The following MTUS2 variants were observed in gnomAD, a reference collection of about 807,000 sequenced individuals.
MTUS2 encodes microtubule-associated tumor suppressor candidate 2.
A neutral mutation model predicts 114.1 loss-of-function variants in MTUS2; 40 were observed. The ratio of observed to expected loss-of-function variants is 0.35; its 90% CI spans 0.27 to 0.46. MTUS2 has a LOEUF of 0.46. MTUS2 is among the 20% of genes least tolerant of loss of function. MTUS2 has a pLI of 1.00. For synonymous variants in MTUS2, 688 were observed against 672.0 expected (o/e 1.02, Z -0.37); for missense variants, 1,679 against 1,705.4 (o/e 0.98, Z 0.27).
At chr13:29,287,500 A>ATGTGTGTGTGTGTGTG (rs11395718) in intron 6 of MTUS2, among the ~76,000 whole-genome samples, 5 of 151,714 alleles carry the variant, frequency 3.3e-5, no homozygotes, top group South Asian at 4.1e-4. Flanking sequence ...ATCACTCTGT[A>ATGTGTGTGTGTGTGTG]TGTGTGTGGT....
At chr13:28,952,142 T>C (rs867318304) in intron 2 of MTUS2, among the ~76,000 whole-genome samples, 21 of 152,374 alleles carry the variant, frequency 1.4e-4, no homozygotes, top group Middle Eastern at 3.4e-3. Flanking sequence ...TTGATACTTT[T>C]AGTTACGGAA....
intron 5 of MTUS2, among the ~76,000 whole-genome samples, chr13:29,125,561 A>G (rs1362553988): frequency 6.6e-6 from 1 of 152,256 alleles, no homozygotes; most frequent in Non-Finnish European, 1.5e-5. Flanking sequence ...TGCTGTTTCT[A>G]CATGAACGGT....
intron 2 of MTUS2, among the ~76,000 whole-genome samples, chr13:28,905,412 A>G (rs1593288047): frequency 6.6e-6 from 1 of 151,542 alleles, no homozygotes; most frequent in South Asian, 2.1e-4. Flanking sequence ...AGCTCTTATT[A>G]TTTTGAGATA....
intron 7 of MTUS2, among the ~76,000 whole-genome samples, chr13:29,343,194 C>T (rs901546321): frequency 3.5e-4 from 22 of 63,230 alleles, no homozygotes; most frequent in Non-Finnish European, 9.3e-4. Flanking sequence ...AGGGAGGATT[C>T]CCTCTTTGTC....
At chr13:29,442,045 T>C (rs529902874) in intron 9 of MTUS2, among the ~76,000 whole-genome samples, 111 of 152,312 alleles carry the variant, frequency 7.3e-4, no homozygotes, top group Non-Finnish European at 1.5e-3. Flanking sequence ...TCTGCTGACC[T>C]TCAGGTCAGT....
At chr13:28,917,792 C>A (rs1880830284) in intron 2 of MTUS2, among the ~76,000 whole-genome samples, 1 of 151,666 alleles carries the variant, frequency 6.6e-6, no homozygotes, top group South Asian at 2.1e-4. Context: ...TTTTCTAGTT[C>A]TTTAAGCCAT....
chr13:29,140,451 C>T (rs1892171505), intron 5 of MTUS2, among the ~76,000 whole-genome samples: 2 of 152,222 alleles, frequency 1.3e-5, no homozygotes, highest in Non-Finnish European at 2.9e-5. Context: ...TCCTGTCAGA[C>T]AGCATGCCAG....
At chr13:29,166,022 TGTC>T (rs1451046816) in intron 5 of MTUS2, among the ~76,000 whole-genome samples, 3 of 152,118 alleles carry the variant, frequency 2.0e-5, no homozygotes, top group Admixed American at 2.0e-4. Context: ...GAGAGATCCT[TGTC>T]GTAAGGGAAT....
intron 3 of MTUS2, among the ~76,000 whole-genome samples, chr13:29,031,270 G>GTGTGTGTGTGTGTGTGTGGT (rs1555287201): frequency 4.5e-5 from 1 of 22,444 alleles, no homozygotes; most frequent in African/African-American, 1.1e-4. Flanking sequence ...GTGTGTGTGT[G>GTGTGTGTGTGTGTGTGTGGT]GTGTGTGTTC....
intron 8 of MTUS2, among the ~76,000 whole-genome samples, chr13:29,392,148 A>AC (rs550098693): frequency 2.0e-4 from 1 of 4,892 alleles, no homozygotes; most frequent in Non-Finnish European, 7.1e-3. Flanking sequence ...AAACAAACCA[A>AC]AAAAAAAAAA....
chr13:28,924,783 G>A (rs1369237885), intron 2 of MTUS2, among the ~76,000 whole-genome samples: 1 of 152,046 alleles, frequency 6.6e-6, no homozygotes, highest in African/African-American at 2.4e-5. Context: ...ATTGTCTAGA[G>A]GTTATTCCTG....
chr13:29,141,165 C>T (rs911982836), intron 5 of MTUS2, among the ~76,000 whole-genome samples: 8 of 152,164 alleles, frequency 5.3e-5, no homozygotes, highest in African/African-American at 1.9e-4. Context: ...ATGTTGAGCA[C>T]CAATTGTATG....
intron 2 of MTUS2, among the ~76,000 whole-genome samples, chr13:28,944,693 T>C (rs1301846734): frequency 6.6e-6 from 1 of 152,228 alleles, no homozygotes; most frequent in Non-Finnish European, 1.5e-5. Flanking sequence ...TATTTGAAAA[T>C]TGGAACTCAT....
At chr13:29,483,596 G>A (rs918187433) in intron 10 of MTUS2, among the ~76,000 whole-genome samples, 2 of 152,206 alleles carry the variant, frequency 1.3e-5, no homozygotes, top group South Asian at 2.1e-4. Flanking sequence ...AGAACCGCAA[G>A]CATCACGGGA....
intron 4 of MTUS2, among the ~76,000 whole-genome samples, chr13:29,051,390 A>G (rs1189909496): frequency 1.3e-5 from 2 of 152,136 alleles, no homozygotes; most frequent in Admixed American, 1.3e-4. Flanking sequence ...CAGAAATATG[A>G]AGAACTCCCT....
chr13:29,204,148 C>T (rs1030835946), intron 5 of MTUS2, among the ~76,000 whole-genome samples: 6 of 151,860 alleles, frequency 4.0e-5, no homozygotes, highest in African/African-American at 9.7e-5. Flanking sequence ...TTAGTAGAGA[C>T]GGGGTTTTGC....
chr13:29,332,780 G>A (rs1396900645), intron 7 of MTUS2, among the ~76,000 whole-genome samples: 10 of 150,652 alleles, frequency 6.6e-5, no homozygotes, highest in East Asian at 2.0e-4. Context: ...GACTACAGGC[G>A]CCCGCCACTA....
intron 7 of MTUS2, among the ~76,000 whole-genome samples, chr13:29,352,999 C>T (rs1425229587): frequency 6.6e-6 from 1 of 152,144 alleles, no homozygotes; most frequent in Non-Finnish European, 1.5e-5. Context: ...TTTACAATAA[C>T]TGTTTAACTG....
chr13:29,485,333 G>A (rs1172075822), intron 10 of MTUS2: 6 of 152,632 alleles, frequency 3.9e-5, no homozygotes, highest in East Asian at 3.8e-4. Context: ...AGAACCATAG[G>A]AGAAGACGTT....
Sources: allele counts gnomAD v4.1 joint callset (sites outside exome capture counted in the v4.1 genomes callset), GRCh38; gene constraint gnomAD v4.1.1; transcripts MANE v1.5; gene names NCBI Gene and HGNC (gene_info 2026-07-23, HGNC 2026-07-21).